Variants in FER1L6 observed in about 807,000 individuals in gnomAD.
FER1L6 encodes the protein fer-1 like family member 6.
Under a neutral mutation model 219.2 loss-of-function variants are expected in FER1L6, and 177 were observed. The ratio of observed to expected loss-of-function variants is 0.81; its 90% CI spans 0.71 to 0.91. The LOEUF (loss-of-function observed/expected upper bound fraction) is 0.91, where lower values mean the gene tolerates loss of function less well. Among genes scored for constraint, FER1L6 ranks in the 40% least tolerant of loss-of-function variants. The pLI, the probability that FER1L6 is intolerant of heterozygous loss-of-function variation, is 0.00. For missense variants in FER1L6, 2,153 were observed against 2,259.9 expected, an observed-to-expected ratio of 0.95 and a Z score of 0.96; for synonymous variants, 768 against 824.3, an observed-to-expected ratio of 0.93 and a Z score of 1.17.
intron 20 of FER1L6, among the ~76,000 whole-genome samples, chr8:124,044,219 G>A (rs1174538073): frequency 6.6e-6 from 1 of 152,228 alleles, no homozygotes; most frequent in Non-Finnish European, 1.5e-5. Flanking sequence ...GGTTCTTTGT[G>A]ATGTCACTGA....
chr8:124,025,459 G>A (rs1818664941), intron 18 of FER1L6, among the ~76,000 whole-genome samples: 1 of 152,012 alleles, frequency 6.6e-6, no homozygotes, highest in African/African-American at 2.4e-5. Flanking sequence ...TTGTGTTTTT[G>A]TATAGTTTGC....
At chr8:123,941,175 GA>G (rs1354186747) in intron 1 of FER1L6, among the ~76,000 whole-genome samples, 2 of 152,032 alleles carry the variant, frequency 1.3e-5, no homozygotes, top group African/African-American at 2.4e-5. Context: ...AACAGTAATG[GA>G]AAAAAATCAC....
rs193116296 is a variant in FER1L6, at chr8:124,011,610, G to C, written c.1821+896G>C. Among the ~76,000 whole-genome samples, 22 of 150,798 alleles carry C rather than the reference G, an allele frequency of 1.5e-4. No homozygotes were observed. The East Asian group carries it at 4.3e-3, about 30-fold the overall frequency. On this transcript the variant is annotated intron_variant, in intron 14 of 40. Coordinates refer to ENST00000522917, the MANE Select transcript of FER1L6 (RefSeq NM_001039112.2). ...CCCTCCCACCTCAGCATCCCAAGAA[G>C]TCGGAACTACAGGTGCATGCATGCC...
At chr8:123,955,821 C>T (rs1164393475) in intron 1 of FER1L6, among the ~76,000 whole-genome samples, 171 bp from the exon 2 acceptor site, 1 of 152,180 alleles carries the variant, frequency 6.6e-6, no homozygotes, top group African/African-American at 2.4e-5. Context: ...AAAAGCAGAG[C>T]TCCCTGGAGA....
chr8:123,859,833 G>A (rs924242419), intron 1 of FER1L6, among the ~76,000 whole-genome samples: 6 of 145,080 alleles, frequency 4.1e-5, no homozygotes, highest in Non-Finnish European at 6.0e-5. Flanking sequence ...ATAGTTTACT[G>A]AGAATGATGA....
Position 123,853,006 on chromosome 8 carries a change from C to A in FER1L6, c.-8+821C>A, listed in dbSNP as rs559254053. 4.6e-5 allele frequency among the ~76,000 whole-genome samples: 7 copies of A among 152,142 alleles called. No individual in the cohort carries two copies. In the East Asian group the frequency reaches 1.2e-3, roughly 25 times the overall value. On this transcript the variant is annotated intron_variant, in intron 1 of 40. Coordinates refer to ENST00000522917, the MANE Select transcript of FER1L6 (RefSeq NM_001039112.2). The surrounding 1 kb of genome is among the most constrained non-coding windows in gnomAD (Gnocchi z 6.6). ...GTGTCTATTTAGCTACCTATCAGAT[C>A]AATTTTATTCTTATTTTTGTAGAGA...
intron 5 of FER1L6, among the ~76,000 whole-genome samples, chr8:123,967,010 AG>A (rs1815571574): frequency 1.3e-5 from 2 of 149,696 alleles, no homozygotes; most frequent in Admixed American, 1.3e-4. Context: ...TGAACCCAGG[AG>A]GCAGAGCTTT....
intron 39 of FER1L6, among the ~76,000 whole-genome samples, chr8:124,106,806 TG>T (rs1822795453): frequency 6.6e-6 from 1 of 152,132 alleles, no homozygotes; most frequent in Admixed American, 6.5e-5. Context: ...CCAAAAAGTA[TG>T]TTTTTGCTTT....
At chr8:123,892,138 A>G (rs1812658049) in intron 1 of FER1L6, among the ~76,000 whole-genome samples, 1 of 152,184 alleles carries the variant, frequency 6.6e-6, no homozygotes, top group South Asian at 2.1e-4. Context: ...ATTTGTTTAT[A>G]AGGCTCTATT....
At chr8:124,103,009 A>T in intron 38 of FER1L6, 137 bp from the exon 39 acceptor site, 1 of 805,900 alleles carries the variant, frequency 1.2e-6, no homozygotes, top group Non-Finnish European at 2.0e-6. Context: ...TACCTAGCAC[A>T]TAGTTGTGAT....
intron 1 of FER1L6, among the ~76,000 whole-genome samples, chr8:123,940,038 T>C (rs957256003): frequency 6.6e-6 from 1 of 152,208 alleles, no homozygotes; most frequent in African/African-American, 2.4e-5. Context: ...GGCAGTGTCT[T>C]ATTCATCATT....
chr8:124,034,533 C>T (rs1819116654), intron 18 of FER1L6, among the ~76,000 whole-genome samples: 1 of 152,210 alleles, frequency 6.6e-6, no homozygotes, highest in South Asian at 2.1e-4. Context: ...CTACCCCACT[C>T]ATACAGACAT....
intron 28 of FER1L6, among the ~76,000 whole-genome samples, chr8:124,069,141 T>G (rs970431123): frequency 2.0e-5 from 3 of 152,042 alleles, no homozygotes; most frequent in Non-Finnish European, 4.4e-5. Flanking sequence ...TTTCACCGTG[T>G]TAGCCAGGAT....
intron 1 of FER1L6, among the ~76,000 whole-genome samples, chr8:123,860,229 T>C (rs1291954473): frequency 5.8e-5 from 5 of 86,442 alleles, no homozygotes; most frequent in Non-Finnish European, 1.1e-4. Flanking sequence ...GAATATGCGG[T>C]GTTTGGTTTT....
intron 10 of FER1L6, among the ~76,000 whole-genome samples, 156 bp downstream of exon 10, chr8:123,977,765 A>T (rs868184483): frequency 6.6e-6 from 1 of 151,988 alleles, no homozygotes; most frequent in African/African-American, 2.4e-5. Flanking sequence ...GGGTTGGGGG[A>T]TGGTTTTGGG....
intron 12 of FER1L6, among the ~76,000 whole-genome samples, chr8:123,990,378 C>T (rs1203846116): frequency 6.6e-6 from 1 of 152,190 alleles, no homozygotes; most frequent in East Asian, 1.9e-4. Context: ...CACATTCACG[C>T]CAACATCTAT....
rs954000650 is a variant in FER1L6 at position 124,091,503 on chromosome 8, G to A, written c.4472G>A (p.Gly1491Glu). 1 of 1,613,812 alleles carries A rather than the reference G, an allele frequency of 6.2e-7. No individual in the cohort carries two copies. The highest frequency in any genetic ancestry group is 1.3e-5 in the African/African-American group (1 of 74,906). ...CTCTGCAAAGACAACAAGCTGGATG[G>A]ACCCTACTTTCACCCTGGGAAAATA... ...TKLCKDNKLDGPYFHPGKIQI... is the reference protein window; with the variant it reads ...TKLCKDNKLDEPYFHPGKIQI... The change falls in exon 34 of 41, where the codon GGA (glycine) becomes GAA (glutamate). Residue 1491 changes from glycine to glutamate, a missense_variant. Gly to Glu is a moderately conservative substitution (Grantham distance 98, BLOSUM62 -2). Coordinates refer to ENST00000522917, the MANE Select transcript of FER1L6 (RefSeq NM_001039112.2).
intron 13 of FER1L6, among the ~76,000 whole-genome samples, chr8:124,009,809 G>T (rs1817831083): frequency 6.6e-6 from 1 of 152,204 alleles, no homozygotes; most frequent in Non-Finnish European, 1.5e-5. Flanking sequence ...GGAGACCCAG[G>T]GAGGAGAGGT....
At chr8:124,104,941 T>C (rs919376048) in intron 39 of FER1L6, among the ~76,000 whole-genome samples, 2 of 152,194 alleles carry the variant, frequency 1.3e-5, no homozygotes, top group African/African-American at 4.8e-5. Flanking sequence ...TCTGTTATCA[T>C]AGAGCTTACA....
Sources: allele counts gnomAD v4.1 joint callset (sites outside exome capture counted in the v4.1 genomes callset), GRCh38; gene constraint gnomAD v4.1.1; non-coding constraint Gnocchi (gnomAD v3.1); transcripts MANE v1.5; gene names NCBI Gene and HGNC (gene_info 2026-07-23, HGNC 2026-07-21).